TRA2A: variants seen among roughly 807,000 people sequenced by gnomAD.
TRA2A encodes the protein transformer-2 protein homolog alpha.
TRA2A carries 31 observed loss-of-function variants against 45.7 expected under a neutral mutation model. The observed-to-expected ratio is 0.68, with a 90% CI of 0.51 to 0.92. TRA2A has a LOEUF of 0.92. Ranked by LOEUF, TRA2A falls within the 40% of genes least tolerant of loss-of-function variation. TRA2A has a pLI of 0.00. For synonymous variants in TRA2A, 132 were observed against 126.2 expected (o/e 1.05, Z -0.31); for missense variants, 304 against 367.5 (o/e 0.83, Z 1.41).
Position 23,516,236 on chromosome 7 carries a change from G to A in TRA2A, c.336+127C>T, listed in dbSNP as rs575634460. On this transcript the variant is annotated intron_variant, in intron 3 of 7. Transcript: ENST00000297071. ...TTCCTTTACTTTGAAAGCTAAAGCAGCTTATTAAGGATGTTTCCAGAGTAT... is the reference window on the plus strand; with the variant it reads ...TTCCTTTACTTTGAAAGCTAAAGCAACTTATTAAGGATGTTTCCAGAGTAT... The A allele has an allele frequency of 7.2e-6, 6 of 838,260 alleles. No homozygotes were observed. In the East Asian group the frequency reaches 1.6e-4, roughly 22 times the overall value. 51.9% of individuals were successfully genotyped at this position (838,260 alleles called of 1,614,324 possible). A position where few individuals can be genotyped will look rare whatever the true frequency, so the allele number is the denominator to read the frequency against.
At chr7:23,522,203 CATT>C in intron 1 of TRA2A, 2 of 1,128,856 alleles carry the variant, frequency 1.8e-6, no homozygotes, top group East Asian at 6.8e-5. Context: ...CTTCATTCTT[CATT>C]GAGTTTTTCA....
At chr7:23,520,303 A>G (rs950042535) in intron 2 of TRA2A, among the ~76,000 whole-genome samples, 3 of 152,230 alleles carry the variant, frequency 2.0e-5, no homozygotes, top group Non-Finnish European at 4.4e-5. Context: ...AATTAAGAGT[A>G]AGGGAATAAT....
intron 1 of TRA2A, among the ~76,000 whole-genome samples, chr7:23,525,258 C>G (rs1013856840): frequency 1.3e-5 from 2 of 152,146 alleles, no homozygotes; most frequent in African/African-American, 2.4e-5. Context: ...TCAACTTTTT[C>G]TCAAAGAAAT....
At position 23,521,847 on chromosome 7, in the gene TRA2A, A is replaced by G; in HGVS notation, c.37-7T>C. 6.2e-7 allele frequency: 1 copy of G among 1,614,122 alleles called. No individual in the cohort carries two copies. Among genetic ancestry groups the G allele is most frequent in the Non-Finnish European group, 8.5e-7 (1 of 1,180,012 alleles). ...TTGACTGAGAGCGAGACTCCTAACA[A>G]AGAAGACAGTATTACAAATGGCACT... On this transcript the variant is annotated splice_polypyrimidine_tract_variant and splice_region_variant and intron_variant, in intron 1 of 7. Transcript: ENST00000297071.
intron 4 of TRA2A, among the ~76,000 whole-genome samples, chr7:23,509,599 G>A (rs778180444): frequency 1.3e-4 from 20 of 152,204 alleles, no homozygotes; most frequent in Middle Eastern, 3.4e-3. Flanking sequence ...AGCTGGGTGT[G>A]GTGGCATGCA....
chr7:23,529,153 G>T (rs1170499590), intron 1 of TRA2A, among the ~76,000 whole-genome samples: 1 of 152,172 alleles, frequency 6.6e-6, no homozygotes, highest in Non-Finnish European at 1.5e-5. Context: ...CCGAATTTTA[G>T]TTGAAGCTGT....
At chr7:23,509,731 CA>C (rs35279622) in intron 4 of TRA2A, among the ~76,000 whole-genome samples, 31 of 146,036 alleles carry the variant, frequency 2.1e-4, no homozygotes, top group African/African-American at 3.7e-4. Flanking sequence ...GACTCCGTCT[CA>C]AAAAAAAAAA....
At chr7:23,515,741 T>G (rs1407845535) in intron 3 of TRA2A, among the ~76,000 whole-genome samples, 2 of 149,210 alleles carry the variant, frequency 1.3e-5, no homozygotes, top group Non-Finnish European at 3.0e-5. Flanking sequence ...AGATGGGGTT[T>G]CACCATGTTG....
At chr7:23,511,393 AAAAAAAAAAAAAAAAAAGAAAAG>A (rs1789605104) in intron 4 of TRA2A, among the ~76,000 whole-genome samples, 2 of 43,112 alleles carry the variant, frequency 4.6e-5, no homozygotes, top group African/African-American at 2.4e-4. Context: ...AAAAAAAAAA[AAAAAAAAAAAAAAAAAAGAAAAG>A]AAAAGAAAAG....
chr7:23,514,035 A>G (rs904671044), intron 3 of TRA2A, among the ~76,000 whole-genome samples: 2 of 152,086 alleles, frequency 1.3e-5, no homozygotes, highest in Admixed American at 6.6e-5. Flanking sequence ...TAAGAACATA[A>G]AGTACATTGA....
intron 1 of TRA2A, among the ~76,000 whole-genome samples, chr7:23,523,846 G>T (rs1790233366): frequency 6.6e-6 from 1 of 152,212 alleles, no homozygotes; most frequent in Non-Finnish European, 1.5e-5. Context: ...TCACAGACTG[G>T]TTCATTAATC....
Position 23,531,938 on chromosome 7 carries a change from G to GCCGCT in TRA2A, c.-119_-115dup, listed in dbSNP as rs1423890382. ...GAAGAGGAAAGAGTCGGCAACCACA[G>GCCGCT]CCGCTCCACTCCACTCCCACTCGGT... On this transcript the variant is annotated 5_prime_UTR_variant, in exon 1 of 8. Coordinates refer to ENST00000297071, the MANE Select transcript of TRA2A (RefSeq NM_013293.5). 2.6e-6 allele frequency: 3 copies of GCCGCT among 1,170,200 alleles called. No homozygotes were observed. Among genetic ancestry groups the GCCGCT allele is most frequent in the Non-Finnish European group, 3.7e-6 (3 of 803,554 alleles). 72.5% of individuals were successfully genotyped at this position (1,170,200 alleles called of 1,614,324 possible).
intron 2 of TRA2A, among the ~76,000 whole-genome samples, chr7:23,520,946 GCTTCCCAAAGTGTTGGTATTA>G (rs1234427393): frequency 1.3e-5 from 2 of 152,000 alleles, no homozygotes; most frequent in Non-Finnish European, 2.9e-5. Flanking sequence ...ACCCACCTCG[GCTTCCCAAAGTGTTGGTATTA>G]CAGGTGTGAG....
intron 4 of TRA2A, 72 bp from the exon 5 acceptor site, chr7:23,507,607 A>G (rs2127990876): frequency 1.9e-6 from 2 of 1,077,488 alleles, no homozygotes; most frequent in East Asian, 4.7e-5. Flanking sequence ...AAAATTAAGC[A>G]CAAAGTATAT....
rs372961918 is a variant in TRA2A, at chr7:23,508,170, ATT to A, written c.526-637_526-636del. ...TTATCGTAATGCCTTTCAACCTTTTATTGAGACTGAACTAATAAAAGTATAAT... is the reference window on the plus strand; with the variant it reads ...TTATCGTAATGCCTTTCAACCTTTTAGAGACTGAACTAATAAAAGTATAAT... On this transcript the variant is annotated intron_variant, in intron 4 of 7. Transcript: ENST00000297071. Among the ~76,000 whole-genome samples the A allele has an allele frequency of 3.1e-3, 473 of 151,514 alleles. 1 individual carries two copies. Among genetic ancestry groups the A allele is most frequent in the Non-Finnish European group, 4.7e-3 (322 of 67,934 alleles).
chr7:23,529,244 G>A (rs186963110), intron 1 of TRA2A, among the ~76,000 whole-genome samples: 32 of 152,212 alleles, frequency 2.1e-4, no homozygotes, highest in Non-Finnish European at 3.1e-4. Flanking sequence ...AGCTCCAAAG[G>A]ACATCTCCAC....
chr7:23,508,715 C>T (rs1314131035), intron 4 of TRA2A, among the ~76,000 whole-genome samples: 4 of 152,108 alleles, frequency 2.6e-5, no homozygotes, highest in African/African-American at 9.7e-5. Flanking sequence ...AGGATGGTCT[C>T]GATCTCTTGA....
intron 1 of TRA2A, among the ~76,000 whole-genome samples, chr7:23,529,572 TA>T (rs1387368766): frequency 2.0e-5 from 3 of 152,162 alleles, no homozygotes; most frequent in Non-Finnish European, 4.4e-5. Flanking sequence ...GAAACGATTT[TA>T]AAAAGGGCAT....
intron 2 of TRA2A, among the ~76,000 whole-genome samples, chr7:23,517,501 A>AAAAAAGAGAGAAAG (rs1789934651): frequency 1.4e-5 from 2 of 144,632 alleles, no homozygotes; most frequent in African/African-American, 5.0e-5. Flanking sequence ...AAAAAAAAAA[A>AAAAAAGAGAGAAAG]AAAGAGAGAA....
Sources: allele counts gnomAD v4.1 joint callset (sites outside exome capture counted in the v4.1 genomes callset), GRCh38; gene constraint gnomAD v4.1.1; transcripts MANE v1.5; gene names NCBI Gene and HGNC (gene_info 2026-07-23, HGNC 2026-07-21).